Variants in TFCP2 observed in about 807,000 individuals in gnomAD.
TFCP2 encodes alpha-globin transcription factor CP2.
In TFCP2, 33 loss-of-function variants were observed where a neutral mutation model predicts 73.4. The ratio of observed to expected loss-of-function variants is 0.45; its 90% CI spans 0.34 to 0.60. The LOEUF (loss-of-function observed/expected upper bound fraction) is 0.60, where lower values mean the gene tolerates loss of function less well. Among genes scored for constraint, TFCP2 ranks in the 20% least tolerant of loss-of-function variants. The probability of loss-of-function intolerance (pLI) is 0.01; values close to 1 mark genes in which losing one functional copy is unlikely to be tolerated. For synonymous variants in TFCP2, 193 were observed against 211.6 expected (o/e 0.91, Z 0.76); for missense variants, 352 against 604.0 (o/e 0.58, Z 4.37).
At position 51,125,823 on chromosome 12, in the gene TFCP2, C is replaced by T. The variant is rs187058193; in HGVS notation, c.123-7051G>A. ...AAAGATACAGAAATCACAGGCTGGG[C>T]GTGGTGGCTCATGCCTGTAATCCCA... On this transcript the variant is annotated intron_variant, in intron 1 of 14. Transcript: ENST00000257915. Among the ~76,000 whole-genome samples, 18 of 152,282 alleles carry T rather than the reference C, an allele frequency of 1.2e-4. No homozygotes were observed. In the East Asian group the frequency reaches 1.5e-3, roughly 13 times the overall value.
In TFCP2 at chr12:51,095,119, C is replaced by T; in HGVS notation, c.*122G>A. The T allele has an allele frequency of 8.9e-7, 1 of 1,128,916 alleles. No individual in the cohort carries two copies. Among genetic ancestry groups the T allele is most frequent in the Non-Finnish European group, 1.3e-6 (1 of 743,130 alleles). The allele number at this position is 1,128,916 out of a possible 1,614,324, so 69.9% of individuals were successfully genotyped here. On this transcript the variant is annotated 3_prime_UTR_variant, in exon 15 of 15. Coordinates refer to ENST00000257915, the MANE Select transcript of TFCP2 (RefSeq NM_005653.5). ...TCTGCCTCCATGGCCTGGACTCCTC[C>T]ACACACAGTCAGACGAGTCAGGTTC...
At chr12:51,165,206 T>C (rs1941731132) in intron 1 of TFCP2, among the ~76,000 whole-genome samples, 1 of 151,874 alleles carries the variant, frequency 6.6e-6, no homozygotes, top group South Asian at 2.1e-4. Flanking sequence ...AAAGACATGA[T>C]AAGAAAACTA....
intron 1 of TFCP2, among the ~76,000 whole-genome samples, chr12:51,132,492 C>T (rs1423158472): frequency 6.7e-6 from 1 of 148,704 alleles, no homozygotes; most frequent in Non-Finnish European, 1.5e-5. Context: ...CCTCAGTCTC[C>T]CGAGCAGCTG....
Position 51,172,606 on chromosome 12 carries a change from G to T in TFCP2, c.-184C>A. On this transcript the variant is annotated 5_prime_UTR_variant, in exon 1 of 15. Transcript: ENST00000257915. Reference sequence around the variant, plus strand: ...GCACAACTAATCTCCCGTACCCTTGGCTGCTCGTTCTTGGCTGCCCCAGGT... The same window carrying T: ...GCACAACTAATCTCCCGTACCCTTGTCTGCTCGTTCTTGGCTGCCCCAGGT... The T allele has an allele frequency of 1.4e-6, 1 of 726,624 alleles. No homozygotes were observed. Among genetic ancestry groups the T allele is most frequent in the Non-Finnish European group, 2.1e-6 (1 of 467,076 alleles). The allele number at this position is 726,624 out of a possible 1,614,324, so 45.0% of individuals were successfully genotyped here. A position where few individuals can be genotyped will look rare whatever the true frequency, so the allele number is the denominator to read the frequency against.
intron 1 of TFCP2, among the ~76,000 whole-genome samples, chr12:51,158,613 C>A (rs1197661546): frequency 2.0e-5 from 3 of 151,612 alleles, no homozygotes; most frequent in Non-Finnish European, 2.9e-5. Context: ...CTCGGCCTCC[C>A]GAGTAGCTGG....
rs952616691 is a variant in TFCP2, at chr12:51,095,069, T to G, written c.*172A>C. On this transcript the variant is annotated 3_prime_UTR_variant, in exon 15 of 15. Coordinates refer to ENST00000257915, the MANE Select transcript of TFCP2 (RefSeq NM_005653.5). ...AGTAATCTGTGTGTACCACAAGAGC[T>G]TGGGCCAACACAGAGGGCCAGGATT... 1.4e-6 allele frequency: 1 copy of G among 717,962 alleles called. No individual in the cohort carries two copies. Among genetic ancestry groups the G allele is most frequent in the Non-Finnish European group, 2.5e-6 (1 of 406,794 alleles). 44.5% of individuals were successfully genotyped at this position (717,962 alleles called of 1,614,324 possible). A position where few individuals can be genotyped will look rare whatever the true frequency, so the allele number is the denominator to read the frequency against.
At chr12:51,162,415 G>C (rs902207258) in intron 1 of TFCP2, among the ~76,000 whole-genome samples, 1 of 149,342 alleles carries the variant, frequency 6.7e-6, no homozygotes, top group African/African-American at 2.5e-5. Context: ...CACTGCACTT[G>C]AGCCTGGGTG....
chr12:51,118,343 AG>A (rs1293851556), intron 2 of TFCP2, among the ~76,000 whole-genome samples: 1 of 152,194 alleles, frequency 6.6e-6, no homozygotes, highest in Non-Finnish European at 1.5e-5. Flanking sequence ...TCATGAGGTC[AG>A]GAGATCGAGA....
At chr12:51,133,230 T>A (rs1940989927) in intron 1 of TFCP2, among the ~76,000 whole-genome samples, 1 of 152,124 alleles carries the variant, frequency 6.6e-6, no homozygotes, top group Non-Finnish European at 1.5e-5. Context: ...ATAACTCATC[T>A]GAACTTAAAT....
intron 4 of TFCP2, among the ~76,000 whole-genome samples, chr12:51,112,437 T>C (rs1157150237): frequency 3.3e-5 from 5 of 152,244 alleles, no homozygotes; most frequent in Non-Finnish European, 5.9e-5. Flanking sequence ...TTATAATCTA[T>C]TTCAACTACA....
chr12:51,157,464 TG>T (rs34023659), intron 1 of TFCP2, among the ~76,000 whole-genome samples: 40,083 of 151,588 alleles, frequency 0.26, 7,092 homozygotes, highest in Non-Finnish European at 0.4. Context: ...TACAGGAATG[TG>T]TTATTTTTTT....
At chr12:51,106,668 G>T in intron 7 of TFCP2, 55 bp from the exon 8 acceptor site, 2 of 1,392,956 alleles carry the variant, frequency 1.4e-6, no homozygotes, top group South Asian at 2.4e-5. Flanking sequence ...CCCAGGATTT[G>T]ACTAAAACAT....
At chr12:51,115,064 G>GAAA (rs71089747) in intron 4 of TFCP2, among the ~76,000 whole-genome samples, 1 of 68,056 alleles carries the variant, frequency 1.5e-5, no homozygotes, top group African/African-American at 5.4e-5. Context: ...TCCATCTCAG[G>GAAA]AAAAAAAAAA....
chr12:51,155,729 C>T (rs929738855), intron 1 of TFCP2, among the ~76,000 whole-genome samples: 1 of 152,090 alleles, frequency 6.6e-6, no homozygotes, highest in Non-Finnish European at 1.5e-5. Context: ...ATGATTTTTA[C>T]ATCAATGTTT....
chr12:51,094,037 A>C lies in TFCP2; in HGVS notation c.*1204T>G, dbSNP rs1216930611. ...ATCATTCTTAAGGAAGAACAAAAAC[A>C]TGGTAAGAGTGTGAACAGGAAGGGA... On this transcript the variant is annotated 3_prime_UTR_variant, in exon 15 of 15. Transcript: ENST00000257915. 6.6e-6 allele frequency: 1 copy of C among 152,120 alleles called. No individual in the cohort carries two copies. The highest frequency in any genetic ancestry group is 1.5e-5 in the Non-Finnish European group (1 of 68,012). The allele number at this position is 152,120 out of a possible 1,614,324, so 9.4% of individuals were successfully genotyped here. A position where few individuals can be genotyped will look rare whatever the true frequency, so the allele number is the denominator to read the frequency against.
chr12:51,105,020 T>C (rs183651281), intron 8 of TFCP2, among the ~76,000 whole-genome samples: 16 of 151,510 alleles, frequency 1.1e-4, no homozygotes, highest in African/African-American at 3.9e-4. Context: ...CAAAAAAAAT[T>C]ATTTTTAAAG....
intron 1 of TFCP2, among the ~76,000 whole-genome samples, chr12:51,142,402 C>A (rs1249369632): frequency 1.3e-5 from 2 of 152,002 alleles, no homozygotes; most frequent in African/African-American, 4.8e-5. Flanking sequence ...ACTGCAATTA[C>A]TTCTTCATGT....
intron 1 of TFCP2, among the ~76,000 whole-genome samples, chr12:51,166,732 CCT>C (rs1365296245): frequency 2.0e-5 from 3 of 152,180 alleles, no homozygotes; most frequent in Admixed American, 2.0e-4. Flanking sequence ...CACCCTGCGT[CCT>C]ACCCCACAAA....
intron 1 of TFCP2, among the ~76,000 whole-genome samples, chr12:51,143,459 T>C (rs1157421239): frequency 6.6e-6 from 1 of 151,258 alleles, no homozygotes; most frequent in Admixed American, 6.7e-5. Context: ...ATATCTTGAG[T>C]TCATGTTCTC....
Sources: gnomAD v4.1 joint callset for allele counts (sites outside exome capture counted in the v4.1 genomes callset) on GRCh38, gnomAD v4.1.1 for gene constraint, MANE v1.5 for transcripts, NCBI Gene and HGNC (gene_info 2026-07-23, HGNC 2026-07-21) for gene names.